Variants in ENTREP2 observed in about 807,000 individuals in gnomAD.
ENTREP2 encodes the protein protein ENTREP2.
At chr15:29,401,787 A>G in the ENTREP2 span, among the ~76,000 whole-genome samples, 1 of 152,232 alleles carries the variant, frequency 6.6e-6, no homozygotes, top group Non-Finnish European at 1.5e-5. Flanking sequence ...TAGAACATGA[A>G]TATGTGCATT....
At chr15:29,602,244 A>G in the ENTREP2 span, among the ~76,000 whole-genome samples, 10 of 152,302 alleles carry the variant, frequency 6.6e-5, no homozygotes, top group Non-Finnish European at 1.2e-4. Context: ...AGCACCTACT[A>G]CAGTACCTTG....
chr15:29,595,253 AAAAATAAAAT>A, the ENTREP2 span, among the ~76,000 whole-genome samples: 1 of 149,768 alleles, frequency 6.7e-6, no homozygotes, highest in East Asian at 2.0e-4. Context: ...ACTCCGTCTC[AAAAATAAAAT>A]AAAATAAAAT....
the ENTREP2 span, among the ~76,000 whole-genome samples, chr15:29,160,956 G>A: frequency 6.6e-6 from 1 of 152,112 alleles, no homozygotes; most frequent in African/African-American, 2.4e-5. Flanking sequence ...TCCAGCAATA[G>A]CTGTATATGT....
the ENTREP2 span, among the ~76,000 whole-genome samples, chr15:29,663,655 T>C: frequency 3.3e-5 from 5 of 151,872 alleles, no homozygotes; most frequent in Non-Finnish European, 7.4e-5. Flanking sequence ...TAGGTGGGAA[T>C]TGAACAATGA....
the ENTREP2 span, chr15:29,252,267 A>T: frequency 1.6e-6 from 1 of 634,984 alleles, no homozygotes; most frequent in Non-Finnish European, 2.7e-6. Context: ...TTGAAAGTGT[A>T]CATGAGAACC....
the ENTREP2 span, among the ~76,000 whole-genome samples, chr15:29,551,444 A>G: frequency 6.6e-6 from 1 of 152,120 alleles, no homozygotes; most frequent in Non-Finnish European, 1.5e-5. Context: ...TGGGGTGGGG[A>G]TTGCATCTAA....
chr15:29,647,949 A>G, the ENTREP2 span, among the ~76,000 whole-genome samples: 1 of 152,206 alleles, frequency 6.6e-6, no homozygotes, highest in African/African-American at 2.4e-5. Flanking sequence ...ATGAAAAGCA[A>G]TGGATTCCCA....
chr15:29,225,181 A>C, the ENTREP2 span, among the ~76,000 whole-genome samples: 1 of 152,212 alleles, frequency 6.6e-6, no homozygotes, highest in South Asian at 2.1e-4. Context: ...TGGCCAGCCC[A>C]GAAAGGGGCT....
At chr15:29,419,733 A>G in the ENTREP2 span, among the ~76,000 whole-genome samples, 2 of 152,240 alleles carry the variant, frequency 1.3e-5, no homozygotes, top group Admixed American at 1.3e-4. Flanking sequence ...AAGAAGTAAC[A>G]AAAAGACTGG....
the ENTREP2 span, among the ~76,000 whole-genome samples, chr15:29,259,404 G>A: frequency 6.6e-6 from 1 of 152,088 alleles, no homozygotes; most frequent in African/African-American, 2.4e-5. Context: ...ACATCCCTAG[G>A]ATGGCTCTAG....
the ENTREP2 span, among the ~76,000 whole-genome samples, chr15:29,386,443 GA>G: frequency 6.6e-6 from 1 of 152,198 alleles, no homozygotes; most frequent in Non-Finnish European, 1.5e-5. Flanking sequence ...CGGTGAGGCG[GA>G]TAAGGGAACT....
chr15:29,619,820 G>A, the ENTREP2 span, among the ~76,000 whole-genome samples: 2 of 152,002 alleles, frequency 1.3e-5, no homozygotes, highest in Non-Finnish European at 2.9e-5. Flanking sequence ...CCACGTGCCT[G>A]GAGGTTCTCC....
the ENTREP2 span, among the ~76,000 whole-genome samples, chr15:29,479,039 CA>C: frequency 0.49 from 50,039 of 102,088 alleles, 10,727 homozygotes; most frequent in African/African-American, 0.55. Flanking sequence ...CTAAAAAATA[CA>C]AAAAAAAAAA....
At chr15:29,511,096 C>T in the ENTREP2 span, among the ~76,000 whole-genome samples, 7 of 151,972 alleles carry the variant, frequency 4.6e-5, no homozygotes, top group Non-Finnish European at 5.9e-5. Context: ...ATGTAGATGA[C>T]GGGTTGATGG....
At chr15:29,173,641 G>C in the ENTREP2 span, among the ~76,000 whole-genome samples, 1 of 152,102 alleles carries the variant, frequency 6.6e-6, no homozygotes, top group Admixed American at 6.5e-5. Flanking sequence ...GAATCGGGGG[G>C]AGATGGTCAC....
At chr15:29,650,740 C>T in the ENTREP2 span, among the ~76,000 whole-genome samples, 21 of 152,202 alleles carry the variant, frequency 1.4e-4, no homozygotes, top group Non-Finnish European at 1.9e-4. Flanking sequence ...TTTCATTTTT[C>T]TTTCTTATTG....
chr15:29,596,983 A>T, the ENTREP2 span, among the ~76,000 whole-genome samples: 3 of 151,648 alleles, frequency 2.0e-5, no homozygotes, highest in East Asian at 1.9e-4. Context: ...AATTTTTTTT[A>T]AATTTACCTG....
chr15:29,597,568 C>CA, the ENTREP2 span, among the ~76,000 whole-genome samples: 66,334 of 137,542 alleles, frequency 0.48, 15,557 homozygotes, highest in Non-Finnish European at 0.55. Context: ...AACTCTGTCT[C>CA]AAAAAAAAAA....
the ENTREP2 span, among the ~76,000 whole-genome samples, chr15:29,414,207 C>T: frequency 3.3e-5 from 5 of 152,168 alleles, no homozygotes; most frequent in Non-Finnish European, 7.3e-5. Flanking sequence ...TTCTTTTCAG[C>T]ACCATACCAC....
Sources: allele counts gnomAD v4.1 joint callset (sites outside exome capture counted in the v4.1 genomes callset), GRCh38; gene constraint gnomAD v4.1.1; transcripts MANE v1.5; gene names NCBI Gene and HGNC (gene_info 2026-07-23, HGNC 2026-07-21).